TENM2: variants seen among roughly 807,000 people sequenced by gnomAD.
TENM2 encodes teneurin transmembrane protein 2, also known as teneurin-2.
In TENM2, 52 loss-of-function variants were observed where a neutral mutation model predicts 245.2. That is an observed-to-expected ratio of 0.21 (90% CI 0.17 to 0.27). TENM2 has a LOEUF of 0.27. Among genes scored for constraint, TENM2 ranks in the 10% least tolerant of loss-of-function variants. The pLI is 1.00. For synonymous variants in TENM2, 1,363 were observed against 1,438.9 expected, an observed-to-expected ratio of 0.95 and a Z score of 1.19; for missense variants, 3,046 against 3,666.8, an observed-to-expected ratio of 0.83 and a Z score of 4.37.
At position 168,148,873 on chromosome 5, in the gene TENM2, T is replaced by TGATAGATA. The variant is rs752440206; in HGVS notation, c.2423-13698_2423-13691dup. Among the ~76,000 whole-genome samples the TGATAGATA allele has an allele frequency of 7.1e-3, 1,026 of 144,004 alleles. 6 individuals carry two copies. The highest frequency in any genetic ancestry group is 0.02 in the East Asian group (97 of 4,870). The allele number at this position is 144,004 out of a possible 152,430, so 94.5% of individuals were successfully genotyped here. On this transcript the variant is annotated intron_variant, in intron 12 of 28. Coordinates refer to ENST00000518659, the Ensembl canonical transcript of TENM2. ...ATTAATAAATAAATATAAATATATATGATAGATAGATAGATAGATAGATAG... is the reference window on the plus strand; with the variant it reads ...ATTAATAAATAAATATAAATATATATGATAGATAGATAGATAGATAGATAGATAGATAG...
rs59529779 is a variant in TENM2 at position 167,530,461 on chromosome 5, A to G, written c.502+154988A>G. 3.3e-3 allele frequency among the ~76,000 whole-genome samples: 502 copies of G among 152,248 alleles called. 24 individuals are homozygous for G. In the South Asian group the frequency reaches 0.081, roughly 25 times the overall value. On this transcript the variant is annotated intron_variant, in intron 2 of 28. Transcript: ENST00000518659. Reference sequence around the variant, plus strand: ...CTTCTCTTATGTCTTTTAATCCTTGAGAAACTATGTGCTGGATGTTTTTTA... The same window carrying G: ...CTTCTCTTATGTCTTTTAATCCTTGGGAAACTATGTGCTGGATGTTTTTTA...
chr5:167,541,155 G>A (rs1202512077), intron 2 of TENM2, among the ~76,000 whole-genome samples: 1 of 152,142 alleles, frequency 6.6e-6, no homozygotes, highest in African/African-American at 2.4e-5. Context: ...ATGCCCTTAA[G>A]CATCAATCCC....
chr5:167,040,525 G>C, the TENM2 span, among the ~76,000 whole-genome samples: 1 of 151,944 alleles, frequency 6.6e-6, no homozygotes, highest in Non-Finnish European at 1.5e-5. Context: ...GTTCCTGTGA[G>C]ATGACAAACT....
intron 1 of TENM2, among the ~76,000 whole-genome samples, chr5:167,286,764 C>G (rs925992365): frequency 2.0e-5 from 3 of 152,186 alleles, no homozygotes; most frequent in Non-Finnish European, 2.9e-5. Context: ...TGTGCACTGA[C>G]ATGTAGATTC....
chr5:167,107,948 C>T, the TENM2 span, among the ~76,000 whole-genome samples: 342 of 152,294 alleles, frequency 2.2e-3, 3 homozygotes, highest in African/African-American at 7.8e-3. Flanking sequence ...CAAAAGTACA[C>T]AGCAGAAGAC....
chr5:167,381,123 C>G (rs1761073768), intron 2 of TENM2, among the ~76,000 whole-genome samples: 1 of 151,986 alleles, frequency 6.6e-6, no homozygotes, highest in South Asian at 2.1e-4. Flanking sequence ...TGAGGCACTT[C>G]AATTAGCCAT....
chr5:167,048,959 G>A, the TENM2 span, among the ~76,000 whole-genome samples: 1 of 151,918 alleles, frequency 6.6e-6, no homozygotes, highest in African/African-American at 2.4e-5. Context: ...GTAGGGAAAG[G>A]GGTTCTCAGC....
intron 9 of TENM2, among the ~76,000 whole-genome samples, chr5:168,102,460 A>G (rs1793903007): frequency 6.6e-6 from 1 of 152,222 alleles, no homozygotes; most frequent in Non-Finnish European, 1.5e-5. Flanking sequence ...CATTAACCCT[A>G]TCTAGAGAGT....
At chr5:167,766,891 A>G (rs185722591) in intron 2 of TENM2, among the ~76,000 whole-genome samples, 45 of 152,156 alleles carry the variant, frequency 3.0e-4, no homozygotes, top group Middle Eastern at 6.8e-3. Context: ...AAAAACAAAA[A>G]CAAAAACAAA....
intron 25 of TENM2, among the ~76,000 whole-genome samples, chr5:168,240,432 C>T (rs1381099448): frequency 6.6e-6 from 1 of 152,206 alleles, no homozygotes; most frequent in Non-Finnish European, 1.5e-5. Context: ...GATCCTAGCT[C>T]TACCACTGAG....
At chr5:168,063,286 A>G (rs1455029464) in intron 7 of TENM2, among the ~76,000 whole-genome samples, 1 of 152,202 alleles carries the variant, frequency 6.6e-6, no homozygotes, top group Non-Finnish European at 1.5e-5. Context: ...TATTCACAGC[A>G]TTGGAAGTGA....
chr5:168,261,934 G>T lies in TENM2; in HGVS notation c.7564-115G>T. On this transcript the variant is annotated intron_variant, in intron 28 of 28. Transcript: ENST00000518659. ...TAGGACTCCCAACAGCTCAGATCTG[G>T]ATAGACCCAACACTAGTTCTTGCAG... 2.9e-6 allele frequency: 3 copies of T among 1,027,552 alleles called. No homozygotes were observed. In the South Asian group the frequency reaches 4.9e-5, roughly 17 times the overall value. The allele number at this position is 1,027,552 out of a possible 1,614,324, so 63.7% of individuals were successfully genotyped here. A position where few individuals can be genotyped will look rare whatever the true frequency, so the allele number is the denominator to read the frequency against.
the TENM2 span, among the ~76,000 whole-genome samples, chr5:167,028,069 CA>C: frequency 0.4 from 36,412 of 91,944 alleles, 3,677 homozygotes; most frequent in Admixed American, 0.5. Context: ...GATTCCATCT[CA>C]AAAAAAAAAA....
intron 2 of TENM2, among the ~76,000 whole-genome samples, chr5:167,760,514 T>C (rs1488779336): frequency 6.6e-6 from 1 of 152,156 alleles, no homozygotes; most frequent in Non-Finnish European, 1.5e-5. Context: ...TCTTTTGCCT[T>C]TATTAGAATT....
intron 12 of TENM2, among the ~76,000 whole-genome samples, chr5:168,135,293 CA>C (rs1278956274): frequency 2.0e-5 from 3 of 152,202 alleles, no homozygotes; most frequent in Non-Finnish European, 4.4e-5. Flanking sequence ...ACAGATATCC[CA>C]GATGTTCATG....
At chr5:167,732,945 G>A (rs560298906) in intron 2 of TENM2, among the ~76,000 whole-genome samples, 1 of 152,264 alleles carries the variant, frequency 6.6e-6, no homozygotes, top group South Asian at 2.1e-4. Context: ...GTAGTGACGT[G>A]GATGGTGCAA....
chr5:168,070,390 G>A (rs971674604), intron 7 of TENM2, among the ~76,000 whole-genome samples: 2 of 151,972 alleles, frequency 1.3e-5, no homozygotes, highest in Non-Finnish European at 2.9e-5. Context: ...GGCCTCTTAC[G>A]AATTCCAGTG....
chr5:167,102,254 A>G, the TENM2 span, among the ~76,000 whole-genome samples: 2 of 152,008 alleles, frequency 1.3e-5, no homozygotes, highest in Admixed American at 6.6e-5. Context: ...ACATTTATAC[A>G]TATATTTCAA....
chr5:167,112,992 A>C, the TENM2 span, among the ~76,000 whole-genome samples: 40 of 152,338 alleles, frequency 2.6e-4, no homozygotes, highest in East Asian at 6.6e-3. Flanking sequence ...AACAGTGTCT[A>C]TGCTTTTAAA....
Sources: allele counts gnomAD v4.1 joint callset (sites outside exome capture counted in the v4.1 genomes callset), GRCh38; gene constraint gnomAD v4.1.1; transcripts MANE v1.5; gene names NCBI Gene and HGNC (gene_info 2026-07-23, HGNC 2026-07-21).